Variants in COL23A1 observed in about 807,000 individuals in gnomAD.
COL23A1 encodes the protein collagen type XXIII alpha 1 chain, also known as collagen alpha-1(XXIII) chain.
COL23A1 carries 97 observed loss-of-function variants against 99.3 expected under a neutral mutation model. The ratio of observed to expected loss-of-function variants is 0.98; its 90% CI spans 0.83 to 1.16. COL23A1 has a LOEUF of 1.16. Ranked by LOEUF, COL23A1 falls within the 50% of genes most tolerant of loss-of-function variation. The probability of loss-of-function intolerance (pLI) is 0.00; values close to 1 mark genes in which losing one functional copy is unlikely to be tolerated. For missense variants in COL23A1, 762 were observed against 757.4 expected (o/e 1.01, Z -0.07); for synonymous variants, 320 against 308.2 (o/e 1.04, Z -0.40).
At chr5:178,349,705 A>G (rs969995477) in intron 2 of COL23A1, among the ~76,000 whole-genome samples, 1 of 152,112 alleles carries the variant, frequency 6.6e-6, no homozygotes, top group African/African-American at 2.4e-5. Context: ...GTGTTGACTG[A>G]GTGAATGAAT....
Position 178,589,412 on chromosome 5 carries a change from G to A in COL23A1, c.294+492C>T, listed in dbSNP as rs1352685908. Among the ~76,000 whole-genome samples, 1 of 148,480 alleles carries A rather than the reference G, an allele frequency of 6.7e-6. No homozygotes were observed. Among genetic ancestry groups the A allele is most frequent in the African/African-American group, 2.5e-5 (1 of 39,442 alleles). ...CCTGAGCTGCTGGAGACACACTGGA[G>A]CACAGCGGGGCCCAGCCCTCGGGCC... On this transcript the variant is annotated intron_variant, in intron 1 of 28. Transcript: ENST00000390654. This position sits in a 1 kb window ranked among gnomAD's most constrained non-coding sequence, Gnocchi z 5.4.
intron 2 of COL23A1, among the ~76,000 whole-genome samples, chr5:178,444,172 G>A (rs1205190865): frequency 6.6e-6 from 1 of 152,078 alleles, no homozygotes; most frequent in Non-Finnish European, 1.5e-5. Context: ...CACCACGGCC[G>A]GGGTTACAGA....
At position 178,255,651 on chromosome 5, in the gene COL23A1, G is replaced by A. The variant is rs1337568729; in HGVS notation, c.883-625C>T. 8.9e-6 allele frequency: 2 copies of A among 224,988 alleles called. No individual in the cohort carries two copies. Among genetic ancestry groups the A allele is most frequent in the Non-Finnish European group, 1.9e-5 (2 of 107,270 alleles). The allele number at this position is 224,988 out of a possible 1,614,324, so 13.9% of individuals were successfully genotyped here. On this transcript the variant is annotated intron_variant, in intron 15 of 28. Transcript: ENST00000390654. This position sits in a 1 kb window ranked among gnomAD's most constrained non-coding sequence, Gnocchi z 4.2. ...CTGGGGAGCACTTTGGTCCAGACCC[G>A]AGCCTATCCCTTGTGCAGGCTGGAG... is the stretch of plus-strand genomic sequence containing the variant.
At chr5:178,555,334 C>T (rs1424365494) in intron 2 of COL23A1, among the ~76,000 whole-genome samples, 1 of 152,180 alleles carries the variant, frequency 6.6e-6, no homozygotes, top group African/African-American at 2.4e-5. Flanking sequence ...CCATAACACT[C>T]CCCATGCCCC....
intron 2 of COL23A1, 71 bp downstream of exon 2, chr5:178,560,611 G>T (rs1304431283): frequency 2.8e-6 from 4 of 1,411,302 alleles, no homozygotes; most frequent in Non-Finnish European, 9.8e-7. Flanking sequence ...TCCGGACCAT[G>T]CTGTTCTCAG....
At chr5:178,360,644 C>T (rs1041280925) in intron 2 of COL23A1, among the ~76,000 whole-genome samples, 2 of 152,266 alleles carry the variant, frequency 1.3e-5, no homozygotes, top group African/African-American at 2.4e-5. Context: ...AGAATTACAC[C>T]TCCCTATTTG....
At position 178,257,510 on chromosome 5, in the gene COL23A1, G is replaced by A. The variant is rs1349800833; in HGVS notation, c.774+13C>T. The A allele has an allele frequency of 1.9e-6, 3 of 1,566,092 alleles. No individual in the cohort carries two copies. Among genetic ancestry groups the A allele is most frequent in the Non-Finnish European group, 2.6e-6 (3 of 1,155,038 alleles). ...GGGGGCAGGGGGCCACGAGAGGAGGGGCAGATACTCACCTTGGGCCCTGGT... is the reference window on the plus strand; with the variant it reads ...GGGGGCAGGGGGCCACGAGAGGAGGAGCAGATACTCACCTTGGGCCCTGGT... On this transcript the variant is annotated intron_variant, in intron 13 of 28. Transcript: ENST00000390654.
At chr5:178,275,529 G>A (rs1253904524) in intron 5 of COL23A1, among the ~76,000 whole-genome samples, 1 of 152,140 alleles carries the variant, frequency 6.6e-6, no homozygotes, top group African/African-American at 2.4e-5. Context: ...AGAAGGGAGG[G>A]GGAGGAACAA....
At chr5:178,570,112 C>T (rs1036256038) in intron 1 of COL23A1, among the ~76,000 whole-genome samples, 3 of 142,070 alleles carry the variant, frequency 2.1e-5, no homozygotes, top group African/African-American at 7.8e-5. Flanking sequence ...TTTTCTTTTT[C>T]TTTTTTTTTT....
chr5:178,459,691 G>A (rs1453247815), intron 2 of COL23A1, among the ~76,000 whole-genome samples: 1 of 152,202 alleles, frequency 6.6e-6, no homozygotes, highest in Non-Finnish European at 1.5e-5. Context: ...GAACCCAGGA[G>A]TTGGAGGTTG....
At position 178,560,604 on chromosome 5, in the gene COL23A1, G is replaced by A. The variant is rs549587382; in HGVS notation, c.361+78C>T. On this transcript the variant is annotated intron_variant, in intron 2 of 28. Transcript: ENST00000390654. Reference sequence around the variant, plus strand: ...AGCCTGACACCCCAGTCCACCTTCCGGACCATGCTGTTCTCAGCAATCCCA... The same window carrying A: ...AGCCTGACACCCCAGTCCACCTTCCAGACCATGCTGTTCTCAGCAATCCCA... The A allele has an allele frequency of 4.7e-4, 639 of 1,356,390 alleles. 2 individuals are homozygous for A. Among genetic ancestry groups the A allele is most frequent in the Middle Eastern group, 4.2e-3 (17 of 4,038 alleles). 84.0% of individuals were successfully genotyped at this position (1,356,390 alleles called of 1,614,324 possible).
chr5:178,238,596 G>T lies in COL23A1; in HGVS notation c.*102C>A. The T allele has an allele frequency of 1.4e-6, 2 of 1,464,520 alleles. No homozygotes were observed. Among genetic ancestry groups the T allele is most frequent in the Non-Finnish European group, 1.9e-6 (2 of 1,048,562 alleles). 90.7% of individuals were successfully genotyped at this position (1,464,520 alleles called of 1,614,324 possible). On this transcript the variant is annotated 3_prime_UTR_variant, in exon 29 of 29. Coordinates refer to ENST00000390654, the MANE Select transcript of COL23A1 (RefSeq NM_173465.4). ...ACTCTTGAATGTTAAAAGGCCACAG[G>T]TAGCGCATTCCATGAAAAAAGATCA...
In COL23A1 at chr5:178,538,898, A is replaced by C. The variant is rs149197701; in HGVS notation, c.361+21784T>G. ...ACAGAACATTACTCAGCCATAAAAA[A>C]AGAATCAAGTATGGATACATAGTAG... On this transcript the variant is annotated intron_variant, in intron 2 of 28. Coordinates refer to ENST00000390654, the MANE Select transcript of COL23A1 (RefSeq NM_173465.4). 3.9e-3 allele frequency among the ~76,000 whole-genome samples: 589 copies of C among 152,364 alleles called. 7 individuals are homozygous for C. The highest frequency in any genetic ancestry group is 0.013 in the African/African-American group (542 of 41,578).
At chr5:178,290,627 A>G (rs1301097102) in intron 3 of COL23A1, among the ~76,000 whole-genome samples, 2 of 152,188 alleles carry the variant, frequency 1.3e-5, no homozygotes, top group East Asian at 3.9e-4. Context: ...GCATGCATTC[A>G]TGTCACCAGG....
intron 1 of COL23A1, among the ~76,000 whole-genome samples, chr5:178,583,507 G>A (rs1373572387): frequency 1.3e-5 from 2 of 152,140 alleles, no homozygotes; most frequent in Admixed American, 1.3e-4. Flanking sequence ...ACACACAGAC[G>A]CAGCTGAGCC....
At chr5:178,367,723 A>G (rs1288401098) in intron 2 of COL23A1, among the ~76,000 whole-genome samples, 1 of 152,190 alleles carries the variant, frequency 6.6e-6, no homozygotes, top group African/African-American at 2.4e-5. Context: ...CTAGCATATC[A>G]TCCAAACGCC....
chr5:178,360,014 C>T (rs1002933000), intron 2 of COL23A1, among the ~76,000 whole-genome samples: 6 of 152,200 alleles, frequency 3.9e-5, no homozygotes, highest in African/African-American at 4.8e-5. Context: ...TCGGGTGAGA[C>T]AAGCAGCCGC....
chr5:178,538,452 A>G (rs914576938), intron 2 of COL23A1, among the ~76,000 whole-genome samples: 1 of 152,252 alleles, frequency 6.6e-6, no homozygotes, highest in Non-Finnish European at 1.5e-5. Flanking sequence ...CAGTAGACAT[A>G]AAATTACTGT....
At chr5:178,305,495 C>T (rs1758301744) in intron 3 of COL23A1, among the ~76,000 whole-genome samples, 1 of 152,236 alleles carries the variant, frequency 6.6e-6, no homozygotes, top group Non-Finnish European at 1.5e-5. Flanking sequence ...GCTGGGCATT[C>T]ATTCGTTCGC....
Sources: allele counts gnomAD v4.1 joint callset (sites outside exome capture counted in the v4.1 genomes callset), GRCh38; gene constraint gnomAD v4.1.1; non-coding constraint Gnocchi (gnomAD v3.1); transcripts MANE v1.5; gene names NCBI Gene and HGNC (gene_info 2026-07-23, HGNC 2026-07-21).